The following MACROD2 variants were observed in gnomAD, a reference collection of about 807,000 sequenced individuals.
MACROD2 encodes mono-ADP ribosylhydrolase 2.
Under a neutral mutation model 70.4 loss-of-function variants are expected in MACROD2, and 36 were observed. That is an observed-to-expected ratio of 0.51 (90% CI 0.39 to 0.68). The LOEUF (loss-of-function observed/expected upper bound fraction) is 0.68, where lower values mean the gene tolerates loss of function less well. MACROD2 is among the 30% of genes least tolerant of loss of function. MACROD2 has a pLI of 0.00. For missense variants in MACROD2, 496 were observed against 538.4 expected (o/e 0.92, Z 0.78); for synonymous variants, 172 against 178.8 (o/e 0.96, Z 0.30).
intron 5 of MACROD2, among the ~76,000 whole-genome samples, chr20:14,987,757 G>T (rs1273685871): frequency 1.3e-5 from 2 of 152,102 alleles, no homozygotes; most frequent in African/African-American, 2.4e-5. Context: ...TATATTCTAT[G>T]AATGATATGT....
chr20:15,351,255 G>A (rs1157244680), intron 6 of MACROD2, among the ~76,000 whole-genome samples: 1 of 152,160 alleles, frequency 6.6e-6, no homozygotes, highest in Non-Finnish European at 1.5e-5. Flanking sequence ...AGGCTGGAGA[G>A]CAGAGAGGAA....
chr20:14,789,929 A>G (rs1321056194), intron 5 of MACROD2, among the ~76,000 whole-genome samples: 1 of 152,140 alleles, frequency 6.6e-6, no homozygotes, highest in Non-Finnish European at 1.5e-5. Context: ...TAGTTTTGAA[A>G]TAGGAAAACC....
At chr20:15,838,723 A>G (rs1207736047) in intron 8 of MACROD2, among the ~76,000 whole-genome samples, 2 of 152,206 alleles carry the variant, frequency 1.3e-5, no homozygotes, top group Non-Finnish European at 2.9e-5. Flanking sequence ...TAGGAAAATA[A>G]AAGTGATAAG....
intron 4 of MACROD2, among the ~76,000 whole-genome samples, chr20:14,544,631 A>G (rs1446243157): frequency 6.6e-6 from 1 of 152,190 alleles, no homozygotes; most frequent in African/African-American, 2.4e-5. Context: ...ACCCTGAGAC[A>G]AAGATTCTCC....
At chr20:14,820,024 T>C (rs559665587) in intron 5 of MACROD2, among the ~76,000 whole-genome samples, 15 of 152,184 alleles carry the variant, frequency 9.9e-5, no homozygotes, top group African/African-American at 3.6e-4. Context: ...TAAGTAATTC[T>C]GATGATCATC....
At chr20:14,768,558 A>G (rs2072122183) in intron 5 of MACROD2, among the ~76,000 whole-genome samples, 1 of 151,902 alleles carries the variant, frequency 6.6e-6, no homozygotes, top group Non-Finnish European at 1.5e-5. Flanking sequence ...GCCTCAAGCA[A>G]TCCTCCTGCC....
At chr20:14,087,080 CTTG>C (rs1239205797) in intron 3 of MACROD2, among the ~76,000 whole-genome samples, 1 of 152,138 alleles carries the variant, frequency 6.6e-6, no homozygotes, top group East Asian at 1.9e-4. Context: ...TACCGGTCAG[CTTG>C]TTGTTCCCTT....
At chr20:15,257,718 C>T (rs1817108424) in intron 6 of MACROD2, among the ~76,000 whole-genome samples, 1 of 152,056 alleles carries the variant, frequency 6.6e-6, no homozygotes, top group African/African-American at 2.4e-5. Context: ...ATGTATAGCA[C>T]ACAATACTTA....
In MACROD2 at chr20:14,781,037, A is replaced by AT. The variant is rs528315085; in HGVS notation, c.418+96083dup. 2.4e-3 allele frequency among the ~76,000 whole-genome samples: 369 copies of AT among 152,244 alleles called. 2 individuals carry two copies. Among genetic ancestry groups the AT allele is most frequent in the African/African-American group, 8.6e-3 (359 of 41,514 alleles). ...ATCTATCACTTCAAATATTTATGAT[A>AT]TTTTTGTGGTAAGAACATTAAACAT... On this transcript the variant is annotated intron_variant, in intron 5 of 17. Coordinates refer to ENST00000684519, the MANE Select transcript of MACROD2 (RefSeq NM_001351661.2).
At chr20:15,504,129 G>C (rs2146498904) in intron 8 of MACROD2, among the ~76,000 whole-genome samples, 1 of 152,264 alleles carries the variant, frequency 6.6e-6, no homozygotes. Flanking sequence ...CCGCCAGCTG[G>C]TGTAGCTGGA....
At chr20:14,986,913 T>G (rs925406411) in intron 5 of MACROD2, among the ~76,000 whole-genome samples, 1 of 152,194 alleles carries the variant, frequency 6.6e-6, no homozygotes, top group African/African-American at 2.4e-5. Flanking sequence ...GAGTTCATTT[T>G]GGGACCCTAA....
intron 8 of MACROD2, among the ~76,000 whole-genome samples, chr20:15,585,209 T>C (rs1419729697): frequency 6.6e-6 from 1 of 151,248 alleles, no homozygotes; most frequent in East Asian, 1.9e-4. Context: ...TTTCTTTTTT[T>C]TTTTTTTAGA....
At chr20:15,803,237 C>T (rs771044069) in intron 8 of MACROD2, among the ~76,000 whole-genome samples, 6 of 151,926 alleles carry the variant, frequency 3.9e-5, no homozygotes, top group African/African-American at 7.3e-5. Flanking sequence ...ATATCCCTGA[C>T]GAAAGATGCA....
chr20:14,364,089 A>G (rs1600163374), intron 3 of MACROD2, among the ~76,000 whole-genome samples: 1 of 152,108 alleles, frequency 6.6e-6, no homozygotes. Flanking sequence ...GTGGTTTTCT[A>G]CTTTTAGAAT....
At chr20:14,244,648 A>G (rs6042615) in intron 3 of MACROD2, among the ~76,000 whole-genome samples, 90,969 of 152,092 alleles carry the variant, frequency 0.6, 29,020 homozygotes, top group Non-Finnish European at 0.72. Flanking sequence ...GTATGGGTAT[A>G]TAATGTGGGC....
chr20:14,961,961 C>T (rs2074587178), intron 5 of MACROD2, among the ~76,000 whole-genome samples: 1 of 151,988 alleles, frequency 6.6e-6, no homozygotes, highest in Non-Finnish European at 1.5e-5. Context: ...TTGAATTTTG[C>T]CAGTTTTTCT....
intron 3 of MACROD2, among the ~76,000 whole-genome samples, chr20:14,306,396 C>G (rs773428017): frequency 6.6e-6 from 1 of 152,026 alleles, no homozygotes; most frequent in African/African-American, 2.4e-5. Flanking sequence ...TAGAGACCCA[C>G]GTCTAGGTTG....
At chr20:15,030,981 G>A (rs766006602) in intron 5 of MACROD2, among the ~76,000 whole-genome samples, 11 of 152,142 alleles carry the variant, frequency 7.2e-5, no homozygotes, top group Admixed American at 5.9e-4. Flanking sequence ...CACTTGGCTC[G>A]CGCTACCAGC....
At chr20:15,934,870 T>A (rs1601164253) in intron 11 of MACROD2, among the ~76,000 whole-genome samples, 1 of 151,758 alleles carries the variant, frequency 6.6e-6, no homozygotes. Flanking sequence ...GATAATTTTT[T>A]TATTTTTAGT....
Sources: allele counts gnomAD v4.1 joint callset (sites outside exome capture counted in the v4.1 genomes callset), GRCh38; gene constraint gnomAD v4.1.1; transcripts MANE v1.5; gene names NCBI Gene and HGNC (gene_info 2026-07-23, HGNC 2026-07-21).